STK3: variants seen among roughly 807,000 people sequenced by gnomAD.
STK3 encodes the protein serine/threonine kinase 3.
STK3 carries 41 observed loss-of-function variants against 58.0 expected under a neutral mutation model. The ratio of observed to expected loss-of-function variants is 0.71; its 90% CI spans 0.55 to 0.92. STK3 has a LOEUF of 0.92. Among genes scored for constraint, STK3 ranks in the 40% least tolerant of loss-of-function variants. The pLI is 0.00. For missense variants in STK3, 479 were observed against 602.7 expected (o/e 0.79, Z 2.15); for synonymous variants, 170 against 191.0 (o/e 0.89, Z 0.91).
the STK3 span, among the ~76,000 whole-genome samples, chr8:98,361,693 G>C: frequency 5.9e-5 from 9 of 152,140 alleles, no homozygotes; most frequent in Admixed American, 5.9e-4. Flanking sequence ...ACAAAGCAGC[G>C]TACCTTGTAT....
chr8:98,598,756 T>C, intron 6 of STK3: 1 of 985,426 alleles, frequency 1.0e-6, no homozygotes, highest in Non-Finnish European at 1.2e-6. Context: ...AACACCATTT[T>C]GATTGAAGAA....
intron 10 of STK3, among the ~76,000 whole-genome samples, chr8:98,519,621 T>C (rs920560311): frequency 2.6e-5 from 4 of 152,148 alleles, no homozygotes; most frequent in African/African-American, 7.2e-5. Context: ...CCTGTAATCA[T>C]ACTCACTTGC....
chr8:98,834,899 A>C (rs571838484), intron 3 of STK3, among the ~76,000 whole-genome samples: 1 of 152,368 alleles, frequency 6.6e-6, no homozygotes, highest in South Asian at 2.1e-4. Flanking sequence ...CCTTCTGATG[A>C]ATAGCAGTTA....
chr8:98,676,081 T>C (rs548492548), intron 6 of STK3, among the ~76,000 whole-genome samples: 44 of 152,326 alleles, frequency 2.9e-4, no homozygotes, highest in Admixed American at 1.1e-3. Context: ...CTTGAATACA[T>C]TGTGCTATAT....
chr8:98,664,827 G>A (rs1822218868), intron 6 of STK3, among the ~76,000 whole-genome samples: 1 of 151,960 alleles, frequency 6.6e-6, no homozygotes, highest in Non-Finnish European at 1.5e-5. Flanking sequence ...TTGAACCCGG[G>A]AGGCGGAGGT....
intron 2 of STK3, among the ~76,000 whole-genome samples, chr8:98,373,092 T>C (rs964675308): frequency 9.9e-5 from 15 of 152,236 alleles, no homozygotes; most frequent in Non-Finnish European, 1.8e-4. Flanking sequence ...AGGAAATTCG[T>C]TGGGTCTGCC....
chr8:98,616,623 C>A (rs1817746156), intron 6 of STK3, among the ~76,000 whole-genome samples: 1 of 145,648 alleles, frequency 6.9e-6, no homozygotes, highest in Non-Finnish European at 1.5e-5. Flanking sequence ...GAAGATCTAC[C>A]AAGCAAATGG....
chr8:98,879,908 T>A (rs903113822), downstream of STK3: 1 of 152,182 alleles, frequency 6.6e-6, no homozygotes, highest in African/African-American at 2.4e-5. Flanking sequence ...AATTTTGAAC[T>A]CGAATAAGAA....
At chr8:98,370,821 G>A (rs1452881651), downstream of STK3, among the ~76,000 whole-genome samples, 3 of 152,200 alleles carry the variant, frequency 2.0e-5, no homozygotes, top group Admixed American at 6.5e-5. Flanking sequence ...ATCCAAACAA[G>A]TCAGGTTAAA....
intron 1 of STK3, among the ~76,000 whole-genome samples, chr8:98,941,545 C>A (rs1281181659): frequency 6.6e-6 from 1 of 152,250 alleles, no homozygotes; most frequent in African/African-American, 2.4e-5. Flanking sequence ...TTAAAAGTTT[C>A]GAGGATCCGA....
intron 3 of STK3, among the ~76,000 whole-genome samples, chr8:98,852,769 T>C (rs1836525439): frequency 6.6e-6 from 1 of 152,252 alleles, no homozygotes; most frequent in African/African-American, 2.4e-5. Flanking sequence ...AAGGGATTAT[T>C]AGCATAGCTG....
intron 6 of STK3, among the ~76,000 whole-genome samples, chr8:98,704,572 A>C (rs1052359162): frequency 3.3e-5 from 5 of 152,088 alleles, no homozygotes; most frequent in African/African-American, 1.2e-4. Context: ...GATTTAAAAA[A>C]AAAAAAACAG....
intron 6 of STK3, among the ~76,000 whole-genome samples, chr8:98,658,494 A>G (rs1411113682): frequency 6.6e-6 from 1 of 152,056 alleles, no homozygotes; most frequent in Non-Finnish European, 1.5e-5. Flanking sequence ...ACTATGTAAG[A>G]AGTTAAGAAC....
chr8:98,497,555 A>G (rs1483542047), intron 10 of STK3, among the ~76,000 whole-genome samples: 4 of 152,312 alleles, frequency 2.6e-5, no homozygotes, highest in Middle Eastern at 3.4e-3. Flanking sequence ...TCTGATAAGG[A>G]ACTTGTATGT....
chr8:98,563,285 A>T (rs561229005), intron 8 of STK3, among the ~76,000 whole-genome samples: 20 of 152,274 alleles, frequency 1.3e-4, no homozygotes, highest in Non-Finnish European at 2.8e-4. Flanking sequence ...GTTTCTCACC[A>T]TTGGAGTTGT....
At chr8:98,738,519 G>T (rs895278979) in intron 4 of STK3, among the ~76,000 whole-genome samples, 1 of 152,046 alleles carries the variant, frequency 6.6e-6, no homozygotes, top group East Asian at 1.9e-4. Flanking sequence ...AAACTTATAA[G>T]AGAGATCAAG....
At chr8:98,448,466 G>T (rs1819052023) in intron 1 of STK3, among the ~76,000 whole-genome samples, 2 of 152,148 alleles carry the variant, frequency 1.3e-5, no homozygotes, top group South Asian at 4.1e-4. Flanking sequence ...AAATGGGAAA[G>T]AAAGCTGTCA....
intron 1 of STK3, among the ~76,000 whole-genome samples, chr8:98,443,208 T>G (rs980950013): frequency 1.3e-5 from 2 of 152,202 alleles, no homozygotes; most frequent in Non-Finnish European, 2.9e-5. Context: ...ACAATGTAGT[T>G]GAATTCAGGA....
chr8:98,796,830 C>A (rs576682964), intron 1 of STK3, among the ~76,000 whole-genome samples: 6 of 152,260 alleles, frequency 3.9e-5, no homozygotes, highest in African/African-American at 1.4e-4. Flanking sequence ...AGAAGACATA[C>A]AAGTAGCCAA....
Sources: allele counts gnomAD v4.1 joint callset (sites outside exome capture counted in the v4.1 genomes callset), GRCh38; gene constraint gnomAD v4.1.1; transcripts MANE v1.5; gene names NCBI Gene and HGNC (gene_info 2026-07-23, HGNC 2026-07-21).